The following MAGI1 variants were observed in gnomAD, a reference collection of about 807,000 sequenced individuals.
MAGI1 encodes membrane-associated guanylate kinase, WW and PDZ domain-containing protein 1.
Under a neutral mutation model 139.9 loss-of-function variants are expected in MAGI1, and 58 were observed. The ratio of observed to expected loss-of-function variants is 0.41; its 90% CI spans 0.34 to 0.52. The LOEUF (loss-of-function observed/expected upper bound fraction) is 0.52. Ranked by LOEUF, MAGI1 falls within the 20% of genes least tolerant of loss-of-function variation. The probability of loss-of-function intolerance (pLI) is 0.12; values close to 1 mark genes in which losing one functional copy is unlikely to be tolerated. For missense variants in MAGI1, 1,874 were observed against 1,901.6 expected (o/e 0.99, Z 0.27); for synonymous variants, 812 against 737.9 (o/e 1.10, Z -1.63).
At chr3:65,712,318 T>C (rs558716622) in intron 1 of MAGI1, among the ~76,000 whole-genome samples, 3 of 152,126 alleles carry the variant, frequency 2.0e-5, no homozygotes, top group Non-Finnish European at 2.9e-5. Context: ...AGGCCATGTG[T>C]AGGTTCTGGC....
At chr3:66,017,199 T>C (rs1009822011) in intron 1 of MAGI1, among the ~76,000 whole-genome samples, 6 of 152,244 alleles carry the variant, frequency 3.9e-5, no homozygotes, top group Non-Finnish European at 7.3e-5. Flanking sequence ...AAGTGCCAAG[T>C]TGCACTGCCG....
At chr3:65,381,345 GT>G (rs1163154761) in intron 16 of MAGI1, among the ~76,000 whole-genome samples, 1 of 151,924 alleles carries the variant, frequency 6.6e-6, no homozygotes, top group Non-Finnish European at 1.5e-5. Context: ...GAGAATTAAA[GT>G]TCAAAGCTTA....
In MAGI1 at chr3:65,819,875, CAAAAAA is replaced by C. The variant is rs3077818; in HGVS notation, c.314-197793_314-197788del. Among the ~76,000 whole-genome samples, 132 of 33,470 alleles carry C rather than the reference CAAAAAA, an allele frequency of 3.9e-3. 5 individuals carry two copies. The highest frequency in any genetic ancestry group is 9.4e-3 in the African/African-American group (111 of 11,836). 22.0% of individuals were successfully genotyped at this position (33,470 alleles called of 152,430 possible). ...CTAGCCACAGAGCAAGACTCCATCTCAAAAAAAAAAAAAAAAAAAAAAGGAAGGTTG... is the reference window on the plus strand; with the variant it reads ...CTAGCCACAGAGCAAGACTCCATCTCAAAAAAAAAAAAAAAAGGAAGGTTG... On this transcript the variant is annotated intron_variant, in intron 1 of 22. Transcript: ENST00000402939.
chr3:65,992,345 G>C (rs1433512575), intron 1 of MAGI1, among the ~76,000 whole-genome samples: 1 of 152,164 alleles, frequency 6.6e-6, no homozygotes, highest in Non-Finnish European at 1.5e-5. Flanking sequence ...AGATTATTTA[G>C]TACAAGTATT....
At chr3:65,764,052 A>G (rs2037265047) in intron 1 of MAGI1, among the ~76,000 whole-genome samples, 1 of 150,526 alleles carries the variant, frequency 6.6e-6, no homozygotes, top group Non-Finnish European at 1.5e-5. Flanking sequence ...AGCATGGATG[A>G]CAGAACAAGA....
chr3:65,683,508 T>C (rs2087742854), intron 1 of MAGI1, among the ~76,000 whole-genome samples: 1 of 151,634 alleles, frequency 6.6e-6, no homozygotes, highest in African/African-American at 2.4e-5. Context: ...AGACAAGCTA[T>C]AGGCTGAGAG....
intron 2 of MAGI1, among the ~76,000 whole-genome samples, chr3:65,503,958 T>C (rs770353083): frequency 2.6e-5 from 4 of 152,230 alleles, no homozygotes; most frequent in Middle Eastern, 3.4e-3. Flanking sequence ...ACATGTTACC[T>C]TTCAAGGAGA....
chr3:65,496,192 C>T (rs1952431178), intron 2 of MAGI1, among the ~76,000 whole-genome samples: 1 of 147,744 alleles, frequency 6.8e-6, no homozygotes, highest in African/African-American at 2.5e-5. Flanking sequence ...CAGGCACGTG[C>T]CACCACACCC....
intron 2 of MAGI1, among the ~76,000 whole-genome samples, chr3:65,607,189 G>T (rs924020599): frequency 4.0e-5 from 6 of 151,268 alleles, no homozygotes; most frequent in Non-Finnish European, 7.4e-5. Context: ...TGAATCTAGT[G>T]TGCAGATGGA....
At chr3:65,878,954 C>T (rs993424643) in intron 1 of MAGI1, among the ~76,000 whole-genome samples, 8 of 152,274 alleles carry the variant, frequency 5.3e-5, no homozygotes, top group African/African-American at 1.4e-4. Flanking sequence ...TCATTCAGCC[C>T]GCCTGACTTC....
intron 1 of MAGI1, among the ~76,000 whole-genome samples, chr3:65,853,578 T>A (rs2059278962): frequency 6.6e-6 from 1 of 152,036 alleles, no homozygotes; most frequent in Non-Finnish European, 1.5e-5. Context: ...CACACTAACC[T>A]CCCCATTAAC....
chr3:65,505,407 A>T (rs768060838), intron 2 of MAGI1, among the ~76,000 whole-genome samples: 2,207 of 151,814 alleles, frequency 0.015, 19 homozygotes, highest in Non-Finnish European at 0.023. Context: ...AAAAAAAAAA[A>T]AATAACTGGG....
At chr3:65,800,636 A>G (rs1380912955) in intron 1 of MAGI1, among the ~76,000 whole-genome samples, 2 of 115,306 alleles carry the variant, frequency 1.7e-5, no homozygotes, top group Non-Finnish European at 3.7e-5. Flanking sequence ...TTTTAATTAG[A>G]TTAAAAAAAA....
intron 1 of MAGI1, among the ~76,000 whole-genome samples, chr3:65,768,976 G>T (rs1408726273): frequency 6.6e-6 from 1 of 151,988 alleles, no homozygotes; most frequent in African/African-American, 2.4e-5. Context: ...CTAGTGCTAA[G>T]AAACTCCTTG....
intron 12 of MAGI1, among the ~76,000 whole-genome samples, chr3:65,429,044 T>G (rs9837844): frequency 0.29 from 44,720 of 152,018 alleles, 6,616 homozygotes; most frequent in Middle Eastern, 0.34. Context: ...GAGACAAGTT[T>G]GGAGTGACCA....
intron 1 of MAGI1, among the ~76,000 whole-genome samples, chr3:65,849,550 C>T (rs1226134120): frequency 1.3e-5 from 2 of 149,914 alleles, no homozygotes; most frequent in Non-Finnish European, 3.0e-5. Flanking sequence ...TACATATATA[C>T]ACATATATAT....
At chr3:65,950,962 AGG>A (rs2063811857) in intron 1 of MAGI1, among the ~76,000 whole-genome samples, 1 of 1,644 alleles carries the variant, frequency 6.1e-4, no homozygotes, top group East Asian at 0.045. Flanking sequence ...AAGAAAGAGA[AGG>A]AAGGAAGGAA....
At chr3:65,519,387 T>C (rs73128942) in intron 2 of MAGI1, among the ~76,000 whole-genome samples, 261 of 96,180 alleles carry the variant, frequency 2.7e-3, no homozygotes, top group South Asian at 6.7e-3. Context: ...CACACACACA[T>C]ATATATAATT....
At chr3:65,964,759 C>G (rs2064652394) in intron 1 of MAGI1, among the ~76,000 whole-genome samples, 1 of 152,172 alleles carries the variant, frequency 6.6e-6, no homozygotes, top group African/African-American at 2.4e-5. Context: ...AGGAATCATG[C>G]AAATCCTCAG....
Sources: gnomAD v4.1 joint callset for allele counts (sites outside exome capture counted in the v4.1 genomes callset) on GRCh38, gnomAD v4.1.1 for gene constraint, MANE v1.5 for transcripts, NCBI Gene and HGNC (gene_info 2026-07-23, HGNC 2026-07-21) for gene names.